MAST4: variants seen among roughly 807,000 people sequenced by gnomAD.
MAST4 encodes microtubule-associated serine/threonine-protein kinase 4.
In MAST4, 89 loss-of-function variants were observed where a neutral mutation model predicts 162.7. The observed-to-expected ratio is 0.55, with a 90% CI of 0.46 to 0.65. MAST4 has a LOEUF of 0.65. Ranked by LOEUF, MAST4 falls within the 30% of genes least tolerant of loss-of-function variation. The probability of loss-of-function intolerance (pLI) is 0.00; values close to 1 mark genes in which losing one functional copy is unlikely to be tolerated. For missense variants in MAST4, 3,153 were observed against 3,374.0 expected, an observed-to-expected ratio of 0.93 and a Z score of 1.62; for synonymous variants, 1,479 against 1,361.1, an observed-to-expected ratio of 1.09 and a Z score of -1.91.
Position 66,647,893 on chromosome 5 carries a change from A to T in MAST4, c.363+50875A>T, listed in dbSNP as rs374749341. On this transcript the variant is annotated intron_variant, in intron 1 of 28. Transcript: ENST00000403625. ...AGTTGAACTTTAGAAATATAGAGGG[A>T]AAGGTGGGAATTAAACCTAATTCTA... 7.2e-5 allele frequency among the ~76,000 whole-genome samples: 11 copies of T among 152,260 alleles called. 1 individual carries two copies. The East Asian group carries it at 1.7e-3, about 24-fold the overall frequency.
rs1238126483 is a variant in MAST4 at position 67,115,816 on chromosome 5, AT to A, written c.1591+1602del. ...TACCCACTGCTTACAAATAATATGT[AT>A]TTTTCAGATAATAGTTGTTTAGCAG... On this transcript the variant is annotated intron_variant, in intron 12 of 28. Transcript: ENST00000403625. Among the ~76,000 whole-genome samples, 9 of 151,964 alleles carry A rather than the reference AT, an allele frequency of 5.9e-5. No homozygotes were observed. The East Asian group carries it at 1.7e-3, about 29-fold the overall frequency.
chr5:66,733,025 G>A (rs916787695), intron 1 of MAST4, among the ~76,000 whole-genome samples: 27 of 152,256 alleles, frequency 1.8e-4, no homozygotes, highest in African/African-American at 6.3e-4. Context: ...CCTTCATTGT[G>A]TTTGTTTTTT....
intron 4 of MAST4, among the ~76,000 whole-genome samples, chr5:66,918,571 A>G (rs562814036): frequency 6.6e-6 from 1 of 152,334 alleles, no homozygotes; most frequent in South Asian, 2.1e-4. Flanking sequence ...GTATAATACT[A>G]AAGTAATAAA....
At chr5:67,075,891 TTTA>T (rs2150695393) in intron 5 of MAST4, among the ~76,000 whole-genome samples, 1 of 151,940 alleles carries the variant, frequency 6.6e-6, no homozygotes, top group Non-Finnish European at 1.5e-5. Flanking sequence ...GATCTTGTTA[TTTA>T]TTATCTTTAT....
chr5:66,798,439 C>T (rs990394465), intron 3 of MAST4, among the ~76,000 whole-genome samples: 1 of 152,162 alleles, frequency 6.6e-6, no homozygotes, highest in African/African-American at 2.4e-5. Flanking sequence ...TCATTCCAAG[C>T]CCTAGTGCTT....
intron 5 of MAST4, among the ~76,000 whole-genome samples, chr5:67,086,814 CCTT>C (rs1398066754): frequency 3.3e-5 from 5 of 152,166 alleles, no homozygotes; most frequent in Admixed American, 1.3e-4. Flanking sequence ...GGGTTTCACT[CCTT>C]CTTACTCTCA....
At chr5:66,886,659 C>A (rs1222758930) in intron 3 of MAST4, among the ~76,000 whole-genome samples, 7 of 148,680 alleles carry the variant, frequency 4.7e-5, no homozygotes, top group Non-Finnish European at 8.9e-5. Flanking sequence ...CTGTGTAATT[C>A]GTTAAGCATG....
In MAST4 at chr5:66,670,669, A is replaced by G. The variant is rs138649336; in HGVS notation, c.363+73651A>G. 3.9e-3 allele frequency among the ~76,000 whole-genome samples: 595 copies of G among 152,190 alleles called. 4 individuals carry two copies. Among genetic ancestry groups the G allele is most frequent in the African/African-American group, 0.013 (525 of 41,530 alleles). On this transcript the variant is annotated intron_variant, in intron 1 of 28. Coordinates refer to ENST00000403625, the MANE Select transcript of MAST4 (RefSeq NM_001164664.2). The stretch of plus-strand genomic sequence containing the variant: ...ATCTCACTAGAACTATTTTGCACTG[A>G]CATCCCTATAAGAACAAACACAGAG...
At chr5:67,120,316 G>T (rs1002608315) in intron 13 of MAST4, among the ~76,000 whole-genome samples, 5 of 152,174 alleles carry the variant, frequency 3.3e-5, no homozygotes, top group African/African-American at 9.7e-5. Context: ...GCCCACACAG[G>T]GTTTCTTCCA....
rs61504648 is a variant in MAST4, at chr5:67,130,502, A to G, written c.1954+84A>G. The G allele has an allele frequency of 0.015, 19,930 of 1,373,482 alleles. 626 individuals are homozygous for G. The highest frequency in any genetic ancestry group is 0.12 in the African/African-American group (8,328 of 69,920). The allele number at this position is 1,373,482 out of a possible 1,614,324, so 85.1% of individuals were successfully genotyped here. Reference sequence around the variant, plus strand: ...TTGAAGCTGTCTGTATTTGTGCCACATAATGGCTGTATCCACCTAGGAACT... The same window carrying G: ...TTGAAGCTGTCTGTATTTGTGCCACGTAATGGCTGTATCCACCTAGGAACT... On this transcript the variant is annotated intron_variant, in intron 15 of 28. Coordinates refer to ENST00000403625, the MANE Select transcript of MAST4 (RefSeq NM_001164664.2).
chr5:66,915,722 A>G (rs780676180), intron 4 of MAST4, among the ~76,000 whole-genome samples: 3 of 152,246 alleles, frequency 2.0e-5, no homozygotes, highest in African/African-American at 7.2e-5. Context: ...TCTTGGGGAC[A>G]CAGGTCCTCC....
At chr5:67,094,145 A>G (rs1764167052) in intron 6 of MAST4, 1 of 1,493,498 alleles carries the variant, frequency 6.7e-7, no homozygotes, top group Non-Finnish European at 9.2e-7. Context: ...TTGTACTCCA[A>G]TCATGGTACA....
At chr5:66,687,105 T>C (rs6860579) in intron 1 of MAST4, among the ~76,000 whole-genome samples, 114,974 of 152,062 alleles carry the variant, frequency 0.76, 44,711 homozygotes, top group African/African-American at 0.93. Context: ...TTAGATTCAG[T>C]GGGTATGTGC....
intron 4 of MAST4, chr5:66,986,407 A>T: frequency 7.5e-7 from 1 of 1,333,504 alleles, no homozygotes; most frequent in Non-Finnish European, 1.0e-6. Flanking sequence ...GTAAATGTGC[A>T]TCATATCACT....
chr5:66,656,666 C>T (rs1433022256), intron 1 of MAST4, among the ~76,000 whole-genome samples: 1 of 152,158 alleles, frequency 6.6e-6, no homozygotes, highest in Non-Finnish European at 1.5e-5. Flanking sequence ...AGAGACAATT[C>T]TAAGGTAGCT....
intron 3 of MAST4, among the ~76,000 whole-genome samples, chr5:66,807,957 G>C (rs529878833): frequency 9.9e-5 from 15 of 152,218 alleles, no homozygotes; most frequent in Non-Finnish European, 1.9e-4. Flanking sequence ...GAAAAGAACA[G>C]TTGACTCACT....
At chr5:66,986,580 A>T in intron 4 of MAST4, 20 of 476,680 alleles carry the variant, frequency 4.2e-5, no homozygotes, top group Non-Finnish European at 5.9e-5. Context: ...TATATATATT[A>T]AAAATATATA....
At chr5:66,852,435 C>A (rs976534732) in intron 3 of MAST4, among the ~76,000 whole-genome samples, 1 of 152,152 alleles carries the variant, frequency 6.6e-6, no homozygotes, top group Non-Finnish European at 1.5e-5. Flanking sequence ...TATGAGCCAC[C>A]GTGCCTGGCC....
chr5:66,673,523 GTTTTTTGTTTTTTT>G (rs1295250752), intron 1 of MAST4, among the ~76,000 whole-genome samples: 8 of 131,340 alleles, frequency 6.1e-5, no homozygotes, highest in African/African-American at 2.2e-4. Context: ...TTTGTTTTTT[GTTTTTTGTTTTTTT>G]TTTTTTTGAG....
Sources: allele counts gnomAD v4.1 joint callset (sites outside exome capture counted in the v4.1 genomes callset), GRCh38; gene constraint gnomAD v4.1.1; transcripts MANE v1.5; gene names NCBI Gene and HGNC (gene_info 2026-07-23, HGNC 2026-07-21).